The following MYOF variants were observed in gnomAD, a reference collection of about 807,000 sequenced individuals.
MYOF encodes myoferlin.
MYOF carries 244 observed loss-of-function variants against 284.2 expected under a neutral mutation model. The observed-to-expected ratio is 0.86, with a 90% CI of 0.77 to 0.95. The LOEUF is 0.95. Among genes scored for constraint, MYOF ranks in the 40% least tolerant of loss-of-function variants. The probability of loss-of-function intolerance (pLI) is 0.00; values close to 1 mark genes in which losing one functional copy is unlikely to be tolerated. For synonymous variants in MYOF, 904 were observed against 919.7 expected (o/e 0.98, Z 0.31); for missense variants, 2,496 against 2,560.6 (o/e 0.97, Z 0.54).
chr10:93,332,970 CT>C (rs1843402400), intron 43 of MYOF, among the ~76,000 whole-genome samples: 1 of 152,170 alleles, frequency 6.6e-6, no homozygotes. Flanking sequence ...TCCAACTGGC[CT>C]GTGCTCCTAT....
intron 5 of MYOF, among the ~76,000 whole-genome samples, chr10:93,419,913 C>T (rs1300206707): frequency 6.6e-6 from 1 of 152,164 alleles, no homozygotes; most frequent in African/African-American, 2.4e-5. Context: ...TGGCGGATCA[C>T]CTGAGGTCGG....
chr10:93,322,456 G>A (rs1326658569), intron 48 of MYOF, among the ~76,000 whole-genome samples: 1 of 152,122 alleles, frequency 6.6e-6, no homozygotes, highest in Non-Finnish European at 1.5e-5. Context: ...GAATGTAGTC[G>A]CTATGCTGTA....
chr10:93,333,664 A>G (rs1843451617), intron 42 of MYOF, 94 bp downstream of exon 42: 2 of 1,490,308 alleles, frequency 1.3e-6, no homozygotes, highest in Non-Finnish European at 1.8e-6. Flanking sequence ...CTAGTGAGAT[A>G]ACAGACGCCC....
chr10:93,417,994 CT>C (rs1848202813), intron 5 of MYOF, among the ~76,000 whole-genome samples: 1 of 152,166 alleles, frequency 6.6e-6, no homozygotes, highest in Non-Finnish European at 1.5e-5. Context: ...GAGATGGAGT[CT>C]CATTATGTTG....
intron 24 of MYOF, among the ~76,000 whole-genome samples, chr10:93,370,176 G>T (rs139820976): frequency 6.6e-6 from 1 of 152,196 alleles, no homozygotes; most frequent in East Asian, 1.9e-4. Context: ...AGTAGTAACA[G>T]TAAAAGTAAT....
intron 15 of MYOF, among the ~76,000 whole-genome samples, 163 bp from the exon 16 acceptor site, chr10:93,396,387 G>C (rs1046355164): frequency 6.6e-6 from 1 of 152,060 alleles, no homozygotes; most frequent in Non-Finnish European, 1.5e-5. Flanking sequence ...ATTGTACTTA[G>C]TAATCAACTA....
chr10:93,460,138 A>G (rs188452302), intron 1 of MYOF, among the ~76,000 whole-genome samples: 111 of 152,288 alleles, frequency 7.3e-4, no homozygotes, highest in African/African-American at 2.6e-3. Flanking sequence ...CCAAGTCCCC[A>G]AGACTCCAAC....
chr10:93,342,039 A>G (rs1843944301), intron 38 of MYOF: 1 of 1,086,068 alleles, frequency 9.2e-7, no homozygotes, highest in Non-Finnish European at 1.2e-6. Context: ...GCACTTGACC[A>G]ATTTTCCCCG....
chr10:93,460,515 G>C (rs2056847922), intron 1 of MYOF, among the ~76,000 whole-genome samples: 1 of 152,224 alleles, frequency 6.6e-6, no homozygotes, highest in African/African-American at 2.4e-5. Flanking sequence ...TGTAATCCTA[G>C]CACTTTGGGA....
At chr10:93,310,891 C>A (rs1842353619) in intron 51 of MYOF, among the ~76,000 whole-genome samples, 1 of 152,120 alleles carries the variant, frequency 6.6e-6, no homozygotes, top group Admixed American at 6.6e-5. Flanking sequence ...GTATCCCCCT[C>A]ACTCTAACAT....
intron 1 of MYOF, among the ~76,000 whole-genome samples, chr10:93,477,993 A>G (rs1437027330): frequency 1.3e-5 from 2 of 152,188 alleles, no homozygotes; most frequent in African/African-American, 4.8e-5. Context: ...TTCAAATCAA[A>G]TTGTTCAGAG....
intron 26 of MYOF, among the ~76,000 whole-genome samples, chr10:93,364,277 T>C (rs1454522403): frequency 6.6e-6 from 1 of 152,260 alleles, no homozygotes; most frequent in African/African-American, 2.4e-5. Flanking sequence ...GCTGGAACAA[T>C]GTGACCTAAA....
At chr10:93,408,755 T>C (rs186569946) in intron 7 of MYOF, 32 bp downstream of exon 7, 2 of 1,613,668 alleles carry the variant, frequency 1.2e-6, no homozygotes, top group East Asian at 2.2e-5. Flanking sequence ...GTGGGACTCA[T>C]GAGCAGAAAC....
chr10:93,356,748 C>T lies in MYOF; in HGVS notation c.3221G>A (p.Arg1074Lys). ...KQRSSDTFRR[R>K]RWRRKMAPSE... ...AGGAGCCATTTTTCTCCTCCAGCGT[C>T]TGCGGCGGAAGGTATCTGAACTACG... Residue 1074 changes from arginine (R) to lysine (K), a missense_variant, in exon 30 of 54, where the codon AGA becomes AAA. Around this residue, in one of 3 missense-constraint regions of MYOF, gnomAD observed 2,436 missense variants for 2,480.7 expected, o/e 0.98. Transcript: ENST00000359263. The T allele has an allele frequency of 6.2e-7, 1 of 1,614,200 alleles. No individual in the cohort carries two copies.
At chr10:93,318,166 CCT>C (rs1325814761) in intron 49 of MYOF, among the ~76,000 whole-genome samples, 3 of 152,244 alleles carry the variant, frequency 2.0e-5, no homozygotes, top group Non-Finnish European at 4.4e-5. Flanking sequence ...TTAAAAGTCC[CCT>C]TTGTCACTTT....
At chr10:93,371,532 T>C (rs916201724) in intron 24 of MYOF, among the ~76,000 whole-genome samples, 2 of 152,256 alleles carry the variant, frequency 1.3e-5, no homozygotes, top group Non-Finnish European at 2.9e-5. Flanking sequence ...TCTGATTTTT[T>C]ACACAAAATG....
intron 48 of MYOF, 47 bp downstream of exon 48, chr10:93,323,031 A>T: frequency 6.5e-7 from 1 of 1,530,240 alleles, no homozygotes; most frequent in South Asian, 1.1e-5. Context: ...CGAAGGAGAG[A>T]GTCTGTTTCC....
At position 93,333,871 on chromosome 10, in the gene MYOF, G is replaced by C; in HGVS notation, c.4606C>G (p.Pro1536Ala). ...IYPLPDDPSV[P>A]APPRQFRELP... is the part of the protein sequence containing the mutation. ...TCCCGAAACTGTCTGGGAGGGGCTG[G>C]CACGCTGGGGTCATCCGGCAGAGGG... The change falls in exon 42 of 54, where the codon CCA becomes GCA. Residue 1536 changes from proline to alanine, a missense_variant. Transcript: ENST00000359263. 1 of 1,614,080 alleles carries C rather than the reference G, an allele frequency of 6.2e-7. No individual in the cohort carries two copies. The highest frequency in any genetic ancestry group is 8.5e-7 in the Non-Finnish European group (1 of 1,180,016).
At chr10:93,347,554 G>A (rs1390645193) in intron 37 of MYOF, 63 bp downstream of exon 37, 23 of 323,120 alleles carry the variant, frequency 7.1e-5, no homozygotes, top group African/African-American at 2.7e-4. Flanking sequence ...GCGAGACTCC[G>A]TCTCAAAAAA....
Sources: allele counts gnomAD v4.1 joint callset (sites outside exome capture counted in the v4.1 genomes callset), GRCh38; gene constraint gnomAD v4.1.1; regional missense constraint gnomAD v4.1.1; transcripts MANE v1.5; gene names NCBI Gene and HGNC (gene_info 2026-07-23, HGNC 2026-07-21).